UBE2K: variants seen among roughly 807,000 people sequenced by gnomAD.
UBE2K encodes ubiquitin conjugating enzyme E2 K, also known as ubiquitin-conjugating enzyme E2 K.
Under a neutral mutation model 30.0 loss-of-function variants are expected in UBE2K, and 6 were observed. The observed-to-expected ratio is 0.20, with a 90% CI of 0.11 to 0.39. UBE2K has a LOEUF of 0.39. UBE2K is among the 10% of genes least tolerant of loss of function. The pLI is 1.00. For synonymous variants in UBE2K, 86 were observed against 83.7 expected, an observed-to-expected ratio of 1.03 and a Z score of -0.15; for missense variants, 61 against 241.6, an observed-to-expected ratio of 0.25 and a Z score of 4.96.
chr4:39,741,158 C>G lies in UBE2K; in HGVS notation c.157+3645C>G, dbSNP rs149127204. The stretch of plus-strand genomic sequence containing the variant: ...TGGTGGCGTGCGCCTATAATCCCAG[C>G]TACTCAGGAGGCTGAGGCAGGAGAA... On this transcript the variant is annotated intron_variant, in intron 2 of 6. Transcript: ENST00000261427. Among the ~76,000 whole-genome samples the G allele has an allele frequency of 2.8e-3, 420 of 152,106 alleles. 1 individual carries two copies. The highest frequency in any genetic ancestry group is 9.4e-3 in the African/African-American group (391 of 41,486).
In UBE2K at chr4:39,771,386, C is replaced by T. The variant is rs539122789; in HGVS notation, c.300-3448C>T. ...AGCTTGTTCATGTTCCGTAGCGTAG[C>T]GGCCTAGTGGCCGGGCAGCTGGAAG... On this transcript the variant is annotated intron_variant, in intron 4 of 6. Transcript: ENST00000261427. 3.8e-5 allele frequency: 61 copies of T among 1,612,244 alleles called. 1 individual carries two copies. The Admixed American group carries it at 9.8e-4, about 26-fold the overall frequency.
chr4:39,733,169 A>G (rs1294931329), intron 1 of UBE2K, among the ~76,000 whole-genome samples: 1 of 152,046 alleles, frequency 6.6e-6, no homozygotes, highest in Admixed American at 6.6e-5. Context: ...TTACAGTGAT[A>G]ACACAATTCT....
intron 2 of UBE2K, 137 bp downstream of exon 2, chr4:39,737,650 T>TA: frequency 3.6e-6 from 2 of 560,928 alleles, no homozygotes; most frequent in Non-Finnish European, 6.1e-6. Context: ...ATTTAAAAAA[T>TA]ACTAAATTTA....
chr4:39,763,892 A>G (rs1469149177), intron 4 of UBE2K, among the ~76,000 whole-genome samples: 1 of 152,008 alleles, frequency 6.6e-6, no homozygotes, highest in Non-Finnish European at 1.5e-5. Flanking sequence ...GTCACGTGCT[A>G]CCACACTTGG....
Position 39,698,393 on chromosome 4 carries a change from C to T in UBE2K, c.63+3C>T. 1 of 1,610,326 alleles carries T rather than the reference C, an allele frequency of 6.2e-7. No homozygotes were observed. Among genetic ancestry groups the T allele is most frequent in the Non-Finnish European group, 8.5e-7 (1 of 1,178,456 alleles). On this transcript the variant is annotated splice_donor_region_variant and intron_variant, in intron 1 of 6. Transcript: ENST00000261427. ...AGGAGGTGCTGAAGAGCGAGGAGGT[C>T]AGAAATGAACTCCCGGATATCCCCC...
rs537150426 is a variant in UBE2K at position 39,721,439 on chromosome 4, A to C, written c.64-15981A>C. On this transcript the variant is annotated intron_variant, in intron 1 of 6. Coordinates refer to ENST00000261427, the MANE Select transcript of UBE2K (RefSeq NM_005339.5). ...CTCAATCACAGCTCACTGCGGCCTC[A>C]AACTCCTGGTCTTAAGTGATCTTCC... Among the ~76,000 whole-genome samples the C allele has an allele frequency of 3.0e-3, 456 of 152,174 alleles. 1 individual carries two copies. Among genetic ancestry groups the C allele is most frequent in the Non-Finnish European group, 5.8e-3 (391 of 67,994 alleles).
intron 1 of UBE2K, chr4:39,714,531 TATATATATATATATA>T (rs1718907099): frequency 3.2e-5 from 1 of 31,370 alleles, no homozygotes; most frequent in Non-Finnish European, 5.1e-5. Flanking sequence ...TATATATATA[TATATATATATATATA>T]TATATTTTTT....
At chr4:39,707,992 G>A (rs531266676) in intron 1 of UBE2K, among the ~76,000 whole-genome samples, 1 of 151,800 alleles carries the variant, frequency 6.6e-6, no homozygotes, top group South Asian at 2.1e-4. Context: ...TGCCTCCCGG[G>A]TTCAAGCGAT....
intron 1 of UBE2K, among the ~76,000 whole-genome samples, chr4:39,735,005 A>G (rs1056385134): frequency 6.6e-6 from 1 of 152,128 alleles, no homozygotes; most frequent in Admixed American, 6.5e-5. Context: ...TTATTTACAT[A>G]CTACTTTTTG....
chr4:39,711,308 G>A (rs1003313775), intron 1 of UBE2K, among the ~76,000 whole-genome samples: 3 of 150,782 alleles, frequency 2.0e-5, no homozygotes, highest in African/African-American at 4.9e-5. Flanking sequence ...GACTACAGGC[G>A]CCCGCCACCA....
At chr4:39,716,003 T>C (rs1471674289) in intron 1 of UBE2K, among the ~76,000 whole-genome samples, 2 of 152,232 alleles carry the variant, frequency 1.3e-5, no homozygotes, top group African/African-American at 4.8e-5. Flanking sequence ...GAGTGAGTTC[T>C]CGTGATCATC....
chr4:39,701,683 A>C (rs1056797592), intron 1 of UBE2K, among the ~76,000 whole-genome samples: 26 of 152,036 alleles, frequency 1.7e-4, no homozygotes, highest in African/African-American at 5.8e-4. Flanking sequence ...ACACAGTTTA[A>C]TTTGCTAGTT....
At chr4:39,712,108 G>A (rs1362001120) in intron 1 of UBE2K, among the ~76,000 whole-genome samples, 2 of 148,606 alleles carry the variant, frequency 1.3e-5, no homozygotes, top group Admixed American at 6.7e-5. Context: ...AAAAAAAAAC[G>A]TAGTTACTTG....
chr4:39,711,150 G>A (rs192768261), intron 1 of UBE2K, among the ~76,000 whole-genome samples: 1 of 146,900 alleles, frequency 6.8e-6, no homozygotes, highest in Admixed American at 6.7e-5. Context: ...TATGTCTCTT[G>A]GAAACTTTTT....
intron 1 of UBE2K, among the ~76,000 whole-genome samples, chr4:39,726,001 A>G (rs186267749): frequency 9.9e-5 from 15 of 151,980 alleles, no homozygotes; most frequent in African/African-American, 3.4e-4. Flanking sequence ...ATTTATTCTC[A>G]GAGTTGTGGA....
chr4:39,730,520 A>G (rs1720011891), intron 1 of UBE2K, among the ~76,000 whole-genome samples: 1 of 152,022 alleles, frequency 6.6e-6, no homozygotes, highest in Admixed American at 6.6e-5. Context: ...CTGTAATCCC[A>G]GCACTTTGGG....
chr4:39,770,267 C>G (rs1712694662), intron 4 of UBE2K: 1 of 1,610,384 alleles, frequency 6.2e-7, no homozygotes, highest in Non-Finnish European at 8.5e-7. Context: ...GGGTGGACTT[C>G]TGTGTGAAGC....
chr4:39,702,305 A>T (rs1307781513), intron 1 of UBE2K, among the ~76,000 whole-genome samples: 14 of 121,624 alleles, frequency 1.2e-4, no homozygotes, highest in African/African-American at 4.4e-4. Context: ...CCCAGGCTGG[A>T]GTGCAATGGC....
In UBE2K at chr4:39,698,197, G is replaced by A. The variant is rs1423727672; in HGVS notation, c.-131G>A. 2 of 877,146 alleles carry A rather than the reference G, an allele frequency of 2.3e-6. No homozygotes were observed. The highest frequency in any genetic ancestry group is 2.0e-5 in the Admixed American group (1 of 49,800). 54.3% of individuals were successfully genotyped at this position (877,146 alleles called of 1,614,324 possible). A position where few individuals can be genotyped will look rare whatever the true frequency, so the allele number is the denominator to read the frequency against. On this transcript the variant is annotated 5_prime_UTR_variant, in exon 1 of 7. Coordinates refer to ENST00000261427, the MANE Select transcript of UBE2K (RefSeq NM_005339.5). The stretch of plus-strand genomic sequence containing the variant: ...CTGAGGCGAGCGCGGCGGCCGGGGT[G>A]GTAGTGGCAGTGTTCGTGTGCTCAG...
Sources: allele counts gnomAD v4.1 joint callset (sites outside exome capture counted in the v4.1 genomes callset), GRCh38; gene constraint gnomAD v4.1.1; transcripts MANE v1.5; gene names NCBI Gene and HGNC (gene_info 2026-07-23, HGNC 2026-07-21).